TMEM132D: variants seen among roughly 807,000 people sequenced by gnomAD.
The protein encoded by TMEM132D is mature OL transmembrane protein.
A neutral mutation model predicts 62.3 loss-of-function variants in TMEM132D; 21 were observed. The observed-to-expected ratio is 0.34, with a 90% CI of 0.24 to 0.49. The LOEUF is 0.49. TMEM132D is among the 20% of genes least tolerant of loss of function. The pLI, the probability that TMEM132D is intolerant of heterozygous loss-of-function variation, is 0.99. For missense variants in TMEM132D, 1,346 were observed against 1,402.8 expected (o/e 0.96, Z 0.65); for synonymous variants, 621 against 575.6 (o/e 1.08, Z -1.13).
intron 5 of TMEM132D, among the ~76,000 whole-genome samples, chr12:129,106,281 G>A (rs1340146488): frequency 7.8e-6 from 1 of 127,482 alleles, no homozygotes; most frequent in Non-Finnish European, 1.6e-5. Flanking sequence ...AGGGCGGAGG[G>A]GGGAGGGATA....
intron 4 of TMEM132D, among the ~76,000 whole-genome samples, chr12:129,314,887 A>G (rs1265318510): frequency 6.6e-6 from 1 of 151,748 alleles, no homozygotes; most frequent in Non-Finnish European, 1.5e-5. Context: ...TTATTTATCT[A>G]TCTATTTATT....
At chr12:129,778,457 G>T (rs537839032) in intron 1 of TMEM132D, among the ~76,000 whole-genome samples, 22 of 152,124 alleles carry the variant, frequency 1.4e-4, no homozygotes, top group Non-Finnish European at 2.6e-4. Context: ...CTCTGCAGCC[G>T]TTCTTTCCAG....
intron 1 of TMEM132D, among the ~76,000 whole-genome samples, chr12:129,738,819 C>A (rs1372652762): frequency 6.6e-6 from 1 of 152,144 alleles, no homozygotes; most frequent in African/African-American, 2.4e-5. Context: ...AATAGTAGAA[C>A]CTGCTTTCAT....
chr12:129,871,012 G>A (rs1027859759), intron 1 of TMEM132D, among the ~76,000 whole-genome samples: 3 of 152,056 alleles, frequency 2.0e-5, no homozygotes, highest in Admixed American at 6.5e-5. Flanking sequence ...AGGCAGAGTC[G>A]CTCAAATGCT....
At chr12:129,517,188 C>T (rs988268392) in intron 3 of TMEM132D, among the ~76,000 whole-genome samples, 1 of 152,092 alleles carries the variant, frequency 6.6e-6, no homozygotes, top group African/African-American at 2.4e-5. Flanking sequence ...TTCAGCCCAC[C>T]ACAGAAAGTA....
At position 129,574,513 on chromosome 12, in the gene TMEM132D, A is replaced by G. The variant is rs1363370687; in HGVS notation, c.969-43308T>C. Among the ~76,000 whole-genome samples, 2 of 151,998 alleles carry G rather than the reference A, an allele frequency of 1.3e-5. 1 individual carries two copies. The highest frequency in any genetic ancestry group is 4.9e-5 in the African/African-American group (2 of 41,228). ...GGGGCGAAATGATGCTACATTAGCC[A>G]GAGCAGCGATTGTGTGCAGAGCAAA... On this transcript the variant is annotated intron_variant, in intron 2 of 8. Coordinates refer to ENST00000422113, the MANE Select transcript of TMEM132D (RefSeq NM_133448.3).
chr12:129,139,028 A>G (rs1002693150), intron 5 of TMEM132D, among the ~76,000 whole-genome samples: 3 of 152,168 alleles, frequency 2.0e-5, no homozygotes, highest in Admixed American at 1.3e-4. Flanking sequence ...AAGCACATTA[A>G]AATCTTCCCT....
intron 1 of TMEM132D, among the ~76,000 whole-genome samples, chr12:129,773,518 C>T (rs1364374217): frequency 6.6e-6 from 1 of 152,032 alleles, no homozygotes; most frequent in Non-Finnish European, 1.5e-5. Flanking sequence ...GCAGGATGTT[C>T]CAGGCAAAGG....
At chr12:129,615,422 A>G (rs1445713308) in intron 2 of TMEM132D, among the ~76,000 whole-genome samples, 4 of 151,754 alleles carry the variant, frequency 2.6e-5, no homozygotes, top group Non-Finnish European at 5.9e-5. Flanking sequence ...AAATAGCTTA[A>G]TTTATAATTA....
intron 1 of TMEM132D, among the ~76,000 whole-genome samples, chr12:129,744,389 T>A (rs1403635283): frequency 2.0e-5 from 3 of 152,172 alleles, no homozygotes; most frequent in Admixed American, 6.5e-5. Context: ...TGTTTAGTTA[T>A]TAAAAGTGGG....
intron 3 of TMEM132D, among the ~76,000 whole-genome samples, chr12:129,426,491 C>T (rs1311777361): frequency 2.0e-5 from 3 of 152,118 alleles, no homozygotes; most frequent in East Asian, 3.9e-4. Flanking sequence ...GCAGTGGTTG[C>T]CACACTGATG....
chr12:129,601,406 G>A (rs1315401878), intron 2 of TMEM132D, among the ~76,000 whole-genome samples: 2 of 152,190 alleles, frequency 1.3e-5, no homozygotes, highest in Non-Finnish European at 2.9e-5. Flanking sequence ...TCATCTGTGT[G>A]TTCACTGGAG....
intron 1 of TMEM132D, among the ~76,000 whole-genome samples, chr12:129,750,940 C>A (rs1869981080): frequency 6.6e-6 from 1 of 152,036 alleles, no homozygotes; most frequent in Non-Finnish European, 1.5e-5. Flanking sequence ...TAAATATGTA[C>A]AATTACTATG....
intron 1 of TMEM132D, among the ~76,000 whole-genome samples, chr12:129,756,536 GA>G (rs767989423): frequency 4.6e-5 from 7 of 152,162 alleles, no homozygotes; most frequent in Non-Finnish European, 8.8e-5. Context: ...CGTAAACAGG[GA>G]GTTTATGTTT....
chr12:129,114,061 A>G (rs1304676655), intron 5 of TMEM132D, among the ~76,000 whole-genome samples: 1 of 152,122 alleles, frequency 6.6e-6, no homozygotes, highest in Non-Finnish European at 1.5e-5. Flanking sequence ...TTCTGGCCTC[A>G]GGTACAGACA....
At chr12:129,896,136 ATTTTT>A (rs139243304) in intron 1 of TMEM132D, among the ~76,000 whole-genome samples, 1 of 130,678 alleles carries the variant, frequency 7.7e-6, no homozygotes. Context: ...CACCTGGCTC[ATTTTT>A]TTTGTTTTGT....
At chr12:129,207,418 C>T (rs1052851866) in intron 5 of TMEM132D, among the ~76,000 whole-genome samples, 1 of 152,188 alleles carries the variant, frequency 6.6e-6, no homozygotes, top group African/African-American at 2.4e-5. Context: ...CTATGTATGA[C>T]ATATACGCAT....
intron 2 of TMEM132D, among the ~76,000 whole-genome samples, chr12:129,671,050 A>G (rs1373180769): frequency 6.6e-6 from 1 of 152,232 alleles, no homozygotes; most frequent in Non-Finnish European, 1.5e-5. Flanking sequence ...TTCTGTTTTG[A>G]GTGAGGAGTC....
rs553045211 is a variant in TMEM132D at position 129,588,649 on chromosome 12, A to T, written c.969-57444T>A. On this transcript the variant is annotated intron_variant, in intron 2 of 8. Coordinates refer to ENST00000422113, the MANE Select transcript of TMEM132D (RefSeq NM_133448.3). ...GAGTGCAGTGGCGCCATCTCCGCCC[A>T]CTGCAAGCTCCGCCTCCCAGGTTCA... is the stretch of plus-strand genomic sequence containing the variant. 7.3e-5 allele frequency among the ~76,000 whole-genome samples: 11 copies of T among 150,360 alleles called. No homozygotes were observed. In the East Asian group the frequency reaches 2.2e-3, roughly 30 times the overall value.
Sources: gnomAD v4.1 joint callset for allele counts (sites outside exome capture counted in the v4.1 genomes callset) on GRCh38, gnomAD v4.1.1 for gene constraint, MANE v1.5 for transcripts, NCBI Gene and HGNC (gene_info 2026-07-23, HGNC 2026-07-21) for gene names.